The following FRMD4A variants were observed in gnomAD, a reference collection of about 807,000 sequenced individuals.
The protein encoded by FRMD4A is FERM domain-containing protein 4A.
Under a neutral mutation model 129.1 loss-of-function variants are expected in FRMD4A, and 29 were observed. That is an observed-to-expected ratio of 0.22 (90% CI 0.17 to 0.31). FRMD4A has a LOEUF of 0.31. Ranked by LOEUF, FRMD4A falls within the 10% of genes least tolerant of loss-of-function variation. The pLI is 1.00. For missense variants in FRMD4A, 1,272 were observed against 1,375.8 expected, an observed-to-expected ratio of 0.92 and a Z score of 1.19; for synonymous variants, 634 against 571.6, an observed-to-expected ratio of 1.11 and a Z score of -1.56.
intron 2 of FRMD4A, among the ~76,000 whole-genome samples, chr10:14,034,050 G>A (rs1369437533): frequency 6.6e-6 from 1 of 152,120 alleles, no homozygotes; most frequent in African/African-American, 2.4e-5. Flanking sequence ...AGCTAAACAC[G>A]GGTCCACTAT....
intron 3 of FRMD4A, among the ~76,000 whole-genome samples, chr10:13,813,262 T>C (rs767948190): frequency 6.6e-6 from 1 of 152,228 alleles, no homozygotes; most frequent in Non-Finnish European, 1.5e-5. Context: ...CTGGCCAACA[T>C]GGCAAAACCT....
chr10:14,177,370 G>A (rs754739459), intron 2 of FRMD4A, among the ~76,000 whole-genome samples: 6 of 151,946 alleles, frequency 3.9e-5, no homozygotes, highest in Non-Finnish European at 5.9e-5. Flanking sequence ...ATGGGGTTTC[G>A]CTATGTTGGC....
At chr10:14,021,401 A>AAAAAAAAAAATAAT (rs1388619192) in intron 2 of FRMD4A, among the ~76,000 whole-genome samples, 24 of 151,336 alleles carry the variant, frequency 1.6e-4, no homozygotes, top group African/African-American at 5.6e-4. Flanking sequence ...AAAAAATAAT[A>AAAAAAAAAAATAAT]AAAAAAACAG....
intron 2 of FRMD4A, among the ~76,000 whole-genome samples, chr10:13,934,918 G>A (rs564591398): frequency 3.3e-5 from 5 of 152,188 alleles, no homozygotes; most frequent in African/African-American, 9.6e-5. Flanking sequence ...TCAAGGTGCT[G>A]GTAGCTTTGG....
At chr10:14,217,358 C>A (rs1273211781) in intron 2 of FRMD4A, among the ~76,000 whole-genome samples, 1 of 151,964 alleles carries the variant, frequency 6.6e-6, no homozygotes, top group Non-Finnish European at 1.5e-5. Context: ...ATCATGGGGG[C>A]GGTTTCCCCC....
At chr10:14,143,176 T>A (rs1293871599) in intron 2 of FRMD4A, among the ~76,000 whole-genome samples, 4 of 152,230 alleles carry the variant, frequency 2.6e-5, no homozygotes, top group African/African-American at 4.8e-5. Context: ...AAGAGATAGT[T>A]GTACGTCCAT....
intron 5 of FRMD4A, among the ~76,000 whole-genome samples, chr10:13,790,241 A>AG (rs1285486381): frequency 6.6e-6 from 1 of 152,142 alleles, no homozygotes; most frequent in Non-Finnish European, 1.5e-5. Context: ...AAAGACAAGG[A>AG]GGTGACAACG....
chr10:13,893,762 AC>A (rs1228208205), intron 2 of FRMD4A, among the ~76,000 whole-genome samples: 1 of 152,082 alleles, frequency 6.6e-6, no homozygotes, highest in Non-Finnish European at 1.5e-5. Context: ...TGATCCACCC[AC>A]CTTGGCCACA....
At chr10:13,809,587 C>G (rs577672737) in intron 4 of FRMD4A, among the ~76,000 whole-genome samples, 2 of 152,304 alleles carry the variant, frequency 1.3e-5, no homozygotes, top group South Asian at 2.1e-4. Context: ...CTTACTTGGC[C>G]CTGCCTGCAA....
intron 5 of FRMD4A, among the ~76,000 whole-genome samples, chr10:13,792,465 C>T (rs1316817566): frequency 6.6e-6 from 1 of 152,126 alleles, no homozygotes; most frequent in East Asian, 1.9e-4. Flanking sequence ...TAGGGGAGGA[C>T]AGACACAAGG....
At chr10:13,798,938 G>A (rs1032588699) in intron 4 of FRMD4A, among the ~76,000 whole-genome samples, 12 of 152,068 alleles carry the variant, frequency 7.9e-5, no homozygotes, top group Non-Finnish European at 1.2e-4. Context: ...GTCCCAGTAG[G>A]CCTTTCCCTT....
intron 15 of FRMD4A, chr10:13,684,718 T>G (rs1254173005): frequency 1.0e-6 from 1 of 985,106 alleles, no homozygotes; most frequent in East Asian, 1.1e-4. Context: ...GGGATATTGA[T>G]GACCAGCCAC....
At chr10:13,746,017 G>T (rs1247583908) in intron 9 of FRMD4A, among the ~76,000 whole-genome samples, 1 of 152,170 alleles carries the variant, frequency 6.6e-6, no homozygotes, top group Non-Finnish European at 1.5e-5. Context: ...TTGCTCTTTG[G>T]GGGCAGGTTA....
chr10:13,952,334 C>A (rs1163034468), intron 2 of FRMD4A, among the ~76,000 whole-genome samples: 1 of 151,688 alleles, frequency 6.6e-6, no homozygotes, highest in Non-Finnish European at 1.5e-5. Context: ...CCTATCTCTA[C>A]AAAAAAATTT....
At chr10:14,087,721 G>A (rs1215651387) in intron 2 of FRMD4A, 1 of 152,184 alleles carries the variant, frequency 6.6e-6, no homozygotes, top group African/African-American at 2.4e-5. Flanking sequence ...AACGAAATGT[G>A]AACATCTATT....
At chr10:14,208,050 A>T (rs911928415) in intron 2 of FRMD4A, among the ~76,000 whole-genome samples, 2 of 152,004 alleles carry the variant, frequency 1.3e-5, no homozygotes, top group African/African-American at 4.8e-5. Context: ...TGCAAAACTT[A>T]GTCAGGCATG....
intron 2 of FRMD4A, among the ~76,000 whole-genome samples, chr10:14,189,593 G>A (rs1442623183): frequency 6.6e-6 from 1 of 152,032 alleles, no homozygotes; most frequent in African/African-American, 2.4e-5. Flanking sequence ...AAAAAGAGGA[G>A]GAAGATAATG....
chr10:14,256,044 A>G (rs1401509851), intron 2 of FRMD4A, among the ~76,000 whole-genome samples: 1 of 152,118 alleles, frequency 6.6e-6, no homozygotes, highest in African/African-American at 2.4e-5. Context: ...AAAGGAAATA[A>G]AACAATTTTT....
intron 2 of FRMD4A, among the ~76,000 whole-genome samples, chr10:13,872,539 G>A (rs1271049146): frequency 6.6e-6 from 1 of 152,242 alleles, no homozygotes; most frequent in Admixed American, 6.5e-5. Context: ...AGGTTCTTAC[G>A]CATGCACGTA....
Sources: allele counts gnomAD v4.1 joint callset (sites outside exome capture counted in the v4.1 genomes callset), GRCh38; gene constraint gnomAD v4.1.1; transcripts MANE v1.5; gene names NCBI Gene and HGNC (gene_info 2026-07-23, HGNC 2026-07-21).